The following ERC1 variants were observed in gnomAD, a reference collection of about 807,000 sequenced individuals.
ERC1 encodes the protein RAB6 interacting protein 2.
Under a neutral mutation model 132.0 loss-of-function variants are expected in ERC1, and 56 were observed. The observed-to-expected ratio is 0.42, with a 90% CI of 0.34 to 0.53. The LOEUF is 0.53. Among genes scored for constraint, ERC1 ranks in the 20% least tolerant of loss-of-function variants. The probability of loss-of-function intolerance (pLI) is 0.03; values close to 1 mark genes in which losing one functional copy is unlikely to be tolerated. For missense variants in ERC1, 1,202 were observed against 1,349.9 expected, an observed-to-expected ratio of 0.89 and a Z score of 1.72; for synonymous variants, 478 against 476.1, an observed-to-expected ratio of 1.00 and a Z score of -0.05.
chr12:1,265,280 C>T (rs1352859967), intron 14 of ERC1, among the ~76,000 whole-genome samples: 1 of 152,080 alleles, frequency 6.6e-6, no homozygotes, highest in East Asian at 1.9e-4. Context: ...AAGTATTAAA[C>T]ATCAGAGATC....
chr12:1,130,215 A>G (rs10744537), intron 7 of ERC1, among the ~76,000 whole-genome samples: 149,565 of 152,320 alleles, frequency 0.98, 73,490 homozygotes, highest in East Asian at 1. Flanking sequence ...GACCTCTGCA[A>G]TGGCCAGGCA....
At chr12:1,185,818 C>CT (rs1447097034) in intron 11 of ERC1, among the ~76,000 whole-genome samples, 4 of 150,624 alleles carry the variant, frequency 2.7e-5, no homozygotes, top group African/African-American at 9.8e-5. Context: ...ACTTTGGAAA[C>CT]TGTTTGCATT....
At chr12:1,342,282 T>C (rs1295486601) in intron 15 of ERC1, among the ~76,000 whole-genome samples, 1 of 151,602 alleles carries the variant, frequency 6.6e-6, no homozygotes, top group East Asian at 1.9e-4. Context: ...CTGGCCAATA[T>C]GGTGAAACCC....
intron 12 of ERC1, among the ~76,000 whole-genome samples, chr12:1,231,165 A>G (rs1200359283): frequency 6.7e-6 from 1 of 148,732 alleles, no homozygotes; most frequent in Non-Finnish European, 1.5e-5. Flanking sequence ...TTGTAATTGT[A>G]TGCTTAATTC....
chr12:1,486,716 C>CA (rs1270563964), intron 18 of ERC1, among the ~76,000 whole-genome samples: 1 of 151,890 alleles, frequency 6.6e-6, no homozygotes, highest in Non-Finnish European at 1.5e-5. Context: ...TGAGCCACCG[C>CA]ACCCGGCTGT....
At chr12:1,043,818 C>G (rs1373864807) in intron 2 of ERC1, among the ~76,000 whole-genome samples, 1 of 137,322 alleles carries the variant, frequency 7.3e-6, no homozygotes, top group Admixed American at 7.6e-5. Context: ...TTTGGAAAAG[C>G]ACTTCAACAG....
At chr12:1,374,294 G>A (rs1009228206) in intron 16 of ERC1, among the ~76,000 whole-genome samples, 6 of 152,146 alleles carry the variant, frequency 3.9e-5, no homozygotes, top group African/African-American at 1.4e-4. Context: ...GATTCCTATT[G>A]TCAGAAAGAG....
chr12:1,390,310 C>T (rs1004300405), intron 16 of ERC1, among the ~76,000 whole-genome samples: 2 of 151,944 alleles, frequency 1.3e-5, no homozygotes, highest in African/African-American at 2.4e-5. Flanking sequence ...CCATATATTT[C>T]TAGGACAGTG....
intron 16 of ERC1, among the ~76,000 whole-genome samples, chr12:1,394,102 T>TA (rs749931661): frequency 1.8e-4 from 27 of 149,330 alleles, no homozygotes; most frequent in South Asian, 8.5e-4. Flanking sequence ...GATCATACTT[T>TA]AAAAAAAAAC....
At position 1,069,956 on chromosome 12, in the gene ERC1, A is replaced by G. The variant is rs553668846; in HGVS notation, c.670-13208A>G. On this transcript the variant is annotated intron_variant, in intron 2 of 18. Coordinates refer to ENST00000360905, the MANE Select transcript of ERC1 (RefSeq NM_178040.4). ...TCGAGCTACATGTATCGATGTGGAT[A>G]AATCTGAAGCATATTATGTTAAGTA... Among the ~76,000 whole-genome samples, 3 of 152,338 alleles carry G rather than the reference A, an allele frequency of 2.0e-5. No homozygotes were observed. In the South Asian group the frequency reaches 6.2e-4, roughly 32 times the overall value.
intron 16 of ERC1, among the ~76,000 whole-genome samples, chr12:1,388,129 A>C (rs1022655255): frequency 7.9e-5 from 12 of 152,080 alleles, no homozygotes; most frequent in Non-Finnish European, 1.6e-4. Context: ...TGGGAGGCCG[A>C]GGCGGGCGGA....
chr12:1,155,751 G>A (rs576501128), intron 8 of ERC1, among the ~76,000 whole-genome samples: 67 of 152,062 alleles, frequency 4.4e-4, no homozygotes, highest in Non-Finnish European at 7.9e-4. Flanking sequence ...GATTACAGGC[G>A]TGAGCCACCG....
At chr12:1,130,046 T>C (rs1320120633) in intron 7 of ERC1, among the ~76,000 whole-genome samples, 1 of 152,232 alleles carries the variant, frequency 6.6e-6, no homozygotes, top group African/African-American at 2.4e-5. Context: ...TGGTATAATG[T>C]TGCTAAATAA....
chr12:1,281,279 A>G (rs2078660253), intron 14 of ERC1, among the ~76,000 whole-genome samples: 2 of 152,194 alleles, frequency 1.3e-5, no homozygotes, highest in Admixed American at 1.3e-4. Flanking sequence ...TGGACAAATT[A>G]TATAGCCATT....
intron 7 of ERC1, among the ~76,000 whole-genome samples, chr12:1,139,819 A>G (rs1949702889): frequency 6.6e-6 from 1 of 152,148 alleles, no homozygotes; most frequent in Admixed American, 6.5e-5. Flanking sequence ...GAAGGACGAT[A>G]GATCAGAGGT....
At chr12:1,267,565 C>G (rs1002614660) in intron 14 of ERC1, among the ~76,000 whole-genome samples, 2 of 152,120 alleles carry the variant, frequency 1.3e-5, no homozygotes, top group Non-Finnish European at 2.9e-5. Context: ...TAGAGACCAA[C>G]CTGTACGACA....
chr12:1,421,545 G>A (rs1199564650), intron 17 of ERC1, among the ~76,000 whole-genome samples: 1 of 152,154 alleles, frequency 6.6e-6, no homozygotes, highest in African/African-American at 2.4e-5. Context: ...TCCTTGGTAT[G>A]AGTAACAGGT....
intron 7 of ERC1, among the ~76,000 whole-genome samples, chr12:1,123,823 T>C (rs1406674223): frequency 6.6e-6 from 1 of 152,140 alleles, no homozygotes; most frequent in Non-Finnish European, 1.5e-5. Context: ...AGTGAAACCC[T>C]GTCTCTACTG....
chr12:1,146,315 T>TTTTGTTGTTG (rs1555269119), intron 8 of ERC1, among the ~76,000 whole-genome samples: 3,752 of 138,660 alleles, frequency 0.027, 248 homozygotes, highest in African/African-American at 0.1. Context: ...CTGGTTTTTT[T>TTTTGTTGTTG]TTTTTTTTTT....
Sources: gnomAD v4.1 joint callset for allele counts (sites outside exome capture counted in the v4.1 genomes callset) on GRCh38, gnomAD v4.1.1 for gene constraint, MANE v1.5 for transcripts, NCBI Gene and HGNC (gene_info 2026-07-23, HGNC 2026-07-21) for gene names.